Variants in CACNA2D1 observed in about 807,000 individuals in gnomAD.
CACNA2D1 encodes calcium voltage-gated channel auxiliary subunit alpha2delta 1.
Under a neutral mutation model 171.5 loss-of-function variants are expected in CACNA2D1, and 53 were observed. The ratio of observed to expected loss-of-function variants is 0.31; its 90% confidence interval spans 0.25 to 0.39. The LOEUF (loss-of-function observed/expected upper bound fraction) is 0.39, where lower values mean the gene tolerates loss of function less well. Ranked by LOEUF, CACNA2D1 falls within the 10% of genes least tolerant of loss-of-function variation. The pLI is 1.00. For missense variants in CACNA2D1, 903 were observed against 1,299.8 expected (o/e 0.69, Z 4.69); for synonymous variants, 442 against 443.1 (o/e 1.00, Z 0.03).
intron 4 of CACNA2D1, among the ~76,000 whole-genome samples, chr7:82,167,659 A>G (rs1225648546): frequency 6.6e-6 from 1 of 152,106 alleles, no homozygotes; most frequent in Non-Finnish European, 1.5e-5. Context: ...CTCAATGTGC[A>G]AACTGTGACA....
chr7:82,169,600 A>C (rs553949301), intron 4 of CACNA2D1, among the ~76,000 whole-genome samples: 1 of 152,174 alleles, frequency 6.6e-6, no homozygotes, highest in East Asian at 1.9e-4. Flanking sequence ...TAATTCTTAA[A>C]CCTCAGTTTA....
chr7:81,971,939 T>A (rs1795325240), intron 25 of CACNA2D1, 75 bp from the exon 26 acceptor site: 2 of 937,802 alleles, frequency 2.1e-6, no homozygotes, highest in African/African-American at 3.3e-5. Flanking sequence ...TATTTTCTAT[T>A]TCCAAAAGCA....
At chr7:82,165,288 T>C (rs1795324984) in intron 4 of CACNA2D1, among the ~76,000 whole-genome samples, 1 of 152,028 alleles carries the variant, frequency 6.6e-6, no homozygotes, top group East Asian at 1.9e-4. Flanking sequence ...CTACATGTAC[T>C]TTATCACAGG....
intron 1 of CACNA2D1, among the ~76,000 whole-genome samples, chr7:82,419,746 T>C (rs556442507): frequency 6.6e-6 from 1 of 152,334 alleles, no homozygotes; most frequent in African/African-American, 2.4e-5. Context: ...ATCAGGATTA[T>C]GAGAATCAGC....
At chr7:82,377,602 T>C (rs960973492) in intron 1 of CACNA2D1, among the ~76,000 whole-genome samples, 1 of 152,180 alleles carries the variant, frequency 6.6e-6, no homozygotes, top group African/African-American at 2.4e-5. Context: ...ACTTGAAATA[T>C]TGATTGGCCC....
chr7:82,195,798 T>C (rs559281730), intron 3 of CACNA2D1, among the ~76,000 whole-genome samples: 3 of 151,850 alleles, frequency 2.0e-5, no homozygotes, highest in Non-Finnish European at 4.4e-5. Context: ...GTGACTACCA[T>C]CCCACACTTT....
intron 1 of CACNA2D1, among the ~76,000 whole-genome samples, chr7:82,399,285 C>A (rs765803752): frequency 3.9e-5 from 6 of 152,070 alleles, no homozygotes; most frequent in Non-Finnish European, 7.4e-5. Flanking sequence ...ACAAAAAATA[C>A]GAAAATTAGC....
chr7:82,007,587 T>C (rs1799260411), intron 16 of CACNA2D1, 92 bp downstream of exon 16: 2 of 759,582 alleles, frequency 2.6e-6, no homozygotes, highest in Admixed American at 4.1e-5. Context: ...TTACACTGCA[T>C]GTATTTTCTT....
At chr7:82,207,891 G>A (rs1800172089) in intron 3 of CACNA2D1, among the ~76,000 whole-genome samples, 1 of 152,108 alleles carries the variant, frequency 6.6e-6, no homozygotes, top group Non-Finnish European at 1.5e-5. Context: ...AACATGCACA[G>A]TATATTGCTA....
chr7:82,040,853 T>A (rs903720932), intron 10 of CACNA2D1, among the ~76,000 whole-genome samples: 2 of 152,058 alleles, frequency 1.3e-5, no homozygotes, highest in African/African-American at 4.8e-5. Context: ...TGCATGCTTG[T>A]AATGCCAGCT....
intron 20 of CACNA2D1, among the ~76,000 whole-genome samples, chr7:81,993,190 AT>A (rs1434697415): frequency 4.5e-4 from 69 of 152,318 alleles, no homozygotes; most frequent in African/African-American, 1.6e-3. Context: ...CATGAAAAAA[AT>A]GTTTACAAAT....
Position 82,332,424 on chromosome 7 carries a change from T to C in CACNA2D1, c.294+2711A>G, listed in dbSNP as rs147724844. Among the ~76,000 whole-genome samples, 649 of 151,664 alleles carry C rather than the reference T, an allele frequency of 4.3e-3. 3 individuals carry two copies. Among genetic ancestry groups the C allele is most frequent in the African/African-American group, 0.015 (629 of 41,282 alleles). On this transcript the variant is annotated intron_variant, in intron 3 of 38. Transcript: ENST00000356860. ...GGTGTAACAAAAATTCCAACCAACA[T>C]ACCTGCTACACTACAACAATATCTT...
At chr7:82,440,391 A>G (rs983730761) in intron 1 of CACNA2D1, among the ~76,000 whole-genome samples, 13 of 151,946 alleles carry the variant, frequency 8.6e-5, no homozygotes, top group Non-Finnish European at 1.6e-4. Context: ...TTAACATGTG[A>G]CAAGAAATTA....
chr7:82,214,370 A>G (rs1388588019), intron 3 of CACNA2D1, among the ~76,000 whole-genome samples: 1 of 151,790 alleles, frequency 6.6e-6, no homozygotes. Flanking sequence ...TTCATGCTGT[A>G]TTGTACCCTC....
intron 2 of CACNA2D1, among the ~76,000 whole-genome samples, chr7:82,345,082 T>C (rs1819095660): frequency 6.6e-6 from 1 of 152,074 alleles, no homozygotes; most frequent in African/African-American, 2.4e-5. Context: ...AGTATCTCCC[T>C]CTGTAAATAT....
intron 12 of CACNA2D1, among the ~76,000 whole-genome samples, chr7:82,020,246 T>A (rs935436769): frequency 1.3e-5 from 2 of 152,174 alleles, no homozygotes; most frequent in Admixed American, 1.3e-4. Flanking sequence ...ATGATTAGCA[T>A]AGCCACAGAG....
chr7:82,438,378 T>G (rs1231846632), intron 1 of CACNA2D1, among the ~76,000 whole-genome samples: 1 of 152,182 alleles, frequency 6.6e-6, no homozygotes, highest in Non-Finnish European at 1.5e-5. Flanking sequence ...AATAGAATAC[T>G]ATATAGTGAC....
intron 7 of CACNA2D1, among the ~76,000 whole-genome samples, chr7:82,078,928 G>A (rs1809343552): frequency 6.6e-6 from 1 of 152,084 alleles, no homozygotes; most frequent in Non-Finnish European, 1.5e-5. Context: ...AAAAGAAGAA[G>A]TGAGAAGAAA....
In CACNA2D1 at chr7:82,439,275, A is replaced by C. The variant is rs542670643; in HGVS notation, c.95+4090T>G. Among the ~76,000 whole-genome samples, 22 of 152,168 alleles carry C rather than the reference A, an allele frequency of 1.4e-4. No individual in the cohort carries two copies. In the East Asian group the frequency reaches 4.1e-3, roughly 28 times the overall value. ...GAATATATACTCCTATATATACTAA[A>C]TTTTAGCACAATAATAATTTCCATA... On this transcript the variant is annotated intron_variant, in intron 1 of 38. Transcript: ENST00000356860.
Sources: allele counts gnomAD v4.1 joint callset (sites outside exome capture counted in the v4.1 genomes callset), GRCh38; gene constraint gnomAD v4.1.1; transcripts MANE v1.5; gene names NCBI Gene and HGNC (gene_info 2026-07-23, HGNC 2026-07-21).